Variants in FERRY3 observed in about 807,000 individuals in gnomAD.
The protein encoded by FERRY3 is FERRY endosomal RAB5 effector complex subunit 3, also known as protein C12orf4.
At chr12:4,530,584 G>A in the FERRY3 span, among the ~76,000 whole-genome samples, 1,973 of 152,320 alleles carry the variant, frequency 0.013, 23 homozygotes, top group Non-Finnish European at 0.022. Context: ...ACCTGCGAAT[G>A]AAAGCCAAAT....
chr12:4,514,682 G>T, the FERRY3 span, among the ~76,000 whole-genome samples: 4 of 147,762 alleles, frequency 2.7e-5, no homozygotes, highest in Non-Finnish European at 5.9e-5. Context: ...ACTCATAGGT[G>T]GGAATTGAAC....
the FERRY3 span, among the ~76,000 whole-genome samples, chr12:4,528,867 A>G: frequency 6.6e-6 from 1 of 151,022 alleles, no homozygotes; most frequent in Admixed American, 6.6e-5. Flanking sequence ...ATCTTTTTAA[A>G]TTTACTCCTT....
the FERRY3 span, among the ~76,000 whole-genome samples, chr12:4,501,411 C>CTGTT: frequency 6.6e-6 from 1 of 152,188 alleles, no homozygotes; most frequent in Non-Finnish European, 1.5e-5. Context: ...CGTCCATCAC[C>CTGTT]TGTTAGGAAC....
the FERRY3 span, among the ~76,000 whole-genome samples, chr12:4,514,887 A>G: frequency 3.5e-4 from 53 of 152,046 alleles, no homozygotes; most frequent in African/African-American, 1.3e-3. Context: ...TTAAAGTATA[A>G]TAAAATAAAA....
the FERRY3 span, chr12:4,489,914 A>C: frequency 6.8e-7 from 1 of 1,467,138 alleles, no homozygotes. Context: ...AAGACGAAAA[A>C]ATAATAATTG....
At chr12:4,516,257 A>G in the FERRY3 span, among the ~76,000 whole-genome samples, 1 of 152,222 alleles carries the variant, frequency 6.6e-6, no homozygotes, top group Admixed American at 6.5e-5. Context: ...TACTTCAAGT[A>G]TAACTATAGT....
At chr12:4,521,417 AAAAACCC>A in the FERRY3 span, among the ~76,000 whole-genome samples, 4 of 152,232 alleles carry the variant, frequency 2.6e-5, no homozygotes, top group East Asian at 7.7e-4. Context: ...AAAGCAAGAA[AAAAACCC>A]AACCCACTGT....
At chr12:4,508,461 C>T in the FERRY3 span, among the ~76,000 whole-genome samples, 1 of 152,256 alleles carries the variant, frequency 6.6e-6, no homozygotes, top group Admixed American at 6.5e-5. Context: ...TAATTAAATA[C>T]TTGCCAGGTG....
At chr12:4,498,627 C>T in the FERRY3 span, among the ~76,000 whole-genome samples, 1 of 152,300 alleles carries the variant, frequency 6.6e-6, no homozygotes, top group Admixed American at 6.5e-5. Flanking sequence ...ATCACCCTGT[C>T]TCGGAAGGAC....
At chr12:4,498,838 C>T in the FERRY3 span, among the ~76,000 whole-genome samples, 2 of 152,138 alleles carry the variant, frequency 1.3e-5, no homozygotes, top group Admixed American at 6.5e-5. Flanking sequence ...CTAGCTCCCT[C>T]GCACACGCAG....
the FERRY3 span, among the ~76,000 whole-genome samples, chr12:4,535,764 T>C: frequency 1.3e-5 from 2 of 152,220 alleles, no homozygotes; most frequent in African/African-American, 2.4e-5. This position sits in a 1 kb window ranked among gnomAD's most constrained non-coding sequence, Gnocchi z 4.0. Context: ...GAAGAGCTCC[T>C]CTAATTCCAA....
At chr12:4,524,722 A>G in the FERRY3 span, among the ~76,000 whole-genome samples, 2 of 152,164 alleles carry the variant, frequency 1.3e-5, no homozygotes, top group African/African-American at 2.4e-5. Flanking sequence ...GTCAAGCTCT[A>G]AGGGAATATG....
the FERRY3 span, chr12:4,488,668 G>A: frequency 6.6e-6 from 1 of 152,162 alleles, no homozygotes; most frequent in African/African-American, 2.4e-5. This position sits in a 1 kb window ranked among gnomAD's most constrained non-coding sequence, Gnocchi z 4.9. Flanking sequence ...GCATATTAAT[G>A]AAGGGCGTTT....
chr12:4,525,358 C>T, the FERRY3 span: 1 of 1,613,164 alleles, frequency 6.2e-7, no homozygotes, highest in Admixed American at 1.7e-5. Context: ...ATTCATTCGA[C>T]CATTTATTTT....
chr12:4,532,788 T>A, the FERRY3 span, among the ~76,000 whole-genome samples: 1 of 152,204 alleles, frequency 6.6e-6, no homozygotes, highest in Non-Finnish European at 1.5e-5. Flanking sequence ...CATTTTGTGA[T>A]CTAGCATTCA....
the FERRY3 span, among the ~76,000 whole-genome samples, chr12:4,532,083 GA>G: frequency 1.4e-5 from 2 of 145,516 alleles, no homozygotes; most frequent in Admixed American, 1.4e-4. Flanking sequence ...CATAAATTGT[GA>G]ATTTTTTTTT....
At chr12:4,528,736 T>G in the FERRY3 span, among the ~76,000 whole-genome samples, 1 of 152,140 alleles carries the variant, frequency 6.6e-6, no homozygotes, top group Non-Finnish European at 1.5e-5. Context: ...ATACATTTCC[T>G]TATTATTTTT....
chr12:4,490,500 G>A, the FERRY3 span: 2 of 1,547,758 alleles, frequency 1.3e-6, no homozygotes, highest in Non-Finnish European at 1.8e-6. Context: ...AAATTGGGGT[G>A]AGATCTATTC....
At chr12:4,518,312 T>C in the FERRY3 span, 963 of 1,480,352 alleles carry the variant, frequency 6.5e-4, 10 homozygotes, top group South Asian at 0.011. Context: ...AAGTCCAGTA[T>C]AACAAGATGC....
Sources: gnomAD v4.1 joint callset for allele counts (sites outside exome capture counted in the v4.1 genomes callset) on GRCh38, gnomAD v4.1.1 for gene constraint, Gnocchi (gnomAD v3.1) non-coding constraint, MANE v1.5 for transcripts, NCBI Gene and HGNC (gene_info 2026-07-23, HGNC 2026-07-21) for gene names.